NSG2: variants seen among roughly 807,000 people sequenced by gnomAD.
NSG2 encodes the protein neuronal vesicle trafficking associated 2, also known as neuronal vesicle trafficking-associated protein 2.
NSG2 carries 4 observed loss-of-function variants against 16.9 expected under a neutral mutation model. The ratio of observed to expected loss-of-function variants is 0.24; its 90% CI spans 0.12 to 0.54. The LOEUF is 0.54. Ranked by LOEUF, NSG2 falls within the 20% of genes least tolerant of loss-of-function variation. NSG2 has a pLI of 0.95. For missense variants in NSG2, 179 were observed against 221.1 expected (o/e 0.81, Z 1.21); for synonymous variants, 98 against 88.7 (o/e 1.11, Z -0.59).
chr5:174,088,541 G>A (rs536222134), intron 3 of NSG2, among the ~76,000 whole-genome samples: 11 of 152,282 alleles, frequency 7.2e-5, no homozygotes, highest in Non-Finnish European at 1.2e-4. Context: ...GAATTCATTC[G>A]TATTGAATAA....
chr5:174,054,825 G>T (rs1759942517), intron 2 of NSG2, among the ~76,000 whole-genome samples: 1 of 152,230 alleles, frequency 6.6e-6, no homozygotes, highest in Admixed American at 6.5e-5. Context: ...GAATAGCACA[G>T]TTTAAATTCA....
intron 3 of NSG2, among the ~76,000 whole-genome samples, chr5:174,103,438 C>T (rs956203960): frequency 6.6e-6 from 1 of 151,934 alleles, no homozygotes; most frequent in Non-Finnish European, 1.5e-5. Context: ...GGGAGGAGAG[C>T]AGGAATCCTG....
intron 3 of NSG2, among the ~76,000 whole-genome samples, chr5:174,087,723 G>A (rs112762197): frequency 6.6e-6 from 1 of 151,952 alleles, no homozygotes; most frequent in Non-Finnish European, 1.5e-5. Flanking sequence ...GGGAGGCTGA[G>A]GCTGCAGTGA....
In NSG2 at chr5:174,054,726, A is replaced by G. The variant is rs914125571; in HGVS notation, c.129+7842A>G. ...ATCACCCCCATTTCACAGACAGTGA[A>G]TGGTCTCAGGGAATGGATGTAACTT... On this transcript the variant is annotated intron_variant, in intron 2 of 4. Transcript: ENST00000303177. 4.6e-5 allele frequency among the ~76,000 whole-genome samples: 7 copies of G among 152,182 alleles called. No individual in the cohort carries two copies. In the South Asian group the frequency reaches 1.2e-3, roughly 27 times the overall value.
At chr5:174,092,306 C>T (rs1255102699) in intron 3 of NSG2, among the ~76,000 whole-genome samples, 1 of 152,198 alleles carries the variant, frequency 6.6e-6, no homozygotes, top group Non-Finnish European at 1.5e-5. Context: ...GCTTTGGTGG[C>T]CAATAGGGAG....
chr5:174,062,714 G>A (rs1302296219), intron 2 of NSG2: 1 of 152,234 alleles, frequency 6.6e-6, no homozygotes, highest in Non-Finnish European at 1.5e-5. Flanking sequence ...TCCAGCCATA[G>A]GTTAGTTGGG....
At chr5:174,046,650 G>T in intron 1 of NSG2, 84 bp from the exon 2 acceptor site, 1 of 1,260,446 alleles carries the variant, frequency 7.9e-7, no homozygotes, top group South Asian at 1.3e-5. Flanking sequence ...TGGAGCTGTT[G>T]AGGACAGTGC....
intron 3 of NSG2, among the ~76,000 whole-genome samples, chr5:174,097,974 G>A (rs1760833323): frequency 6.6e-6 from 1 of 152,104 alleles, no homozygotes; most frequent in Non-Finnish European, 1.5e-5. Flanking sequence ...ACAGAGAAAA[G>A]GGTGCGACTC....
chr5:174,082,809 T>A (rs1760507394), intron 3 of NSG2, among the ~76,000 whole-genome samples: 1 of 152,204 alleles, frequency 6.6e-6, no homozygotes, highest in Admixed American at 6.5e-5. Flanking sequence ...CAAGTCTAGA[T>A]TATTTTTAGA....
At chr5:174,097,762 T>G (rs2113472748) in intron 3 of NSG2, among the ~76,000 whole-genome samples, 1 of 151,530 alleles carries the variant, frequency 6.6e-6, no homozygotes, top group Non-Finnish European at 1.5e-5. Context: ...TCTGTGTCTC[T>G]GTGTGTGTAC....
chr5:174,089,248 T>C lies in NSG2; in HGVS notation c.214-14980T>C, dbSNP rs556874079. On this transcript the variant is annotated intron_variant, in intron 3 of 4. Transcript: ENST00000303177. Reference sequence around the variant, plus strand: ...GGGCAGCACCTCCAGTAAGCAAAGCTGGGGTTGAGGCTCAGGGTGGGGTCC... The same window carrying C: ...GGGCAGCACCTCCAGTAAGCAAAGCCGGGGTTGAGGCTCAGGGTGGGGTCC... Among the ~76,000 whole-genome samples the C allele has an allele frequency of 3.3e-5, 5 of 152,258 alleles. No individual in the cohort carries two copies. The South Asian group carries it at 1.0e-3, about 32-fold the overall frequency.
At chr5:174,106,889 G>A (rs1006729262) in intron 4 of NSG2, among the ~76,000 whole-genome samples, 3 of 151,950 alleles carry the variant, frequency 2.0e-5, no homozygotes, top group East Asian at 1.9e-4. Context: ...CACCGCATCC[G>A]GCAAGACTTT....
At position 174,075,441 on chromosome 5, in the gene NSG2, T is replaced by G. The variant is rs187403336; in HGVS notation, c.213+11126T>G. Reference sequence around the variant, plus strand: ...GGCTAAATTAAGCTAAACTGAAATGTGGTTGCAAGAATACTAAAACTTTGC... The same window carrying G: ...GGCTAAATTAAGCTAAACTGAAATGGGGTTGCAAGAATACTAAAACTTTGC... On this transcript the variant is annotated intron_variant, in intron 3 of 4. Transcript: ENST00000303177. Among the ~76,000 whole-genome samples, 54 of 152,324 alleles carry G rather than the reference T, an allele frequency of 3.5e-4. 1 individual carries two copies. Among genetic ancestry groups the G allele is most frequent in the Non-Finnish European group, 7.3e-5 (5 of 68,028 alleles).
At chr5:174,066,862 C>T (rs1581222846) in intron 3 of NSG2, among the ~76,000 whole-genome samples, 3 of 149,908 alleles carry the variant, frequency 2.0e-5, no homozygotes, top group Non-Finnish European at 4.5e-5. Context: ...TAGTGGCGGG[C>T]GCCTGTAGTC....
intron 3 of NSG2, among the ~76,000 whole-genome samples, chr5:174,076,459 A>G (rs1760344948): frequency 6.6e-6 from 1 of 152,186 alleles, no homozygotes; most frequent in Non-Finnish European, 1.5e-5. Context: ...AGAGAGAGAG[A>G]AAAAAAGCTA....
chr5:174,104,296 C>T lies in NSG2; in HGVS notation c.282C>T (p.Ala94=). The T allele has an allele frequency of 1.9e-6, 3 of 1,614,148 alleles. No homozygotes were observed. Among genetic ancestry groups the T allele is most frequent in the Non-Finnish European group, 2.5e-6 (3 of 1,180,014 alleles). Residue 94 remains alanine, a synonymous_variant, in exon 4 of 5, where the codon GCC becomes GCT. Coordinates refer to ENST00000303177, the MANE Select transcript of NSG2 (RefSeq NM_015980.5). ...TCGTGTTCCTGGTGGTTTACAAAGC[C>T]TTCACCTATGATCACAGCTGCCCAG... The part of the protein sequence containing the change: ...ACIVFLVVYK[A]FTYDHSCPEG...
chr5:174,102,098 G>A (rs180831370), intron 3 of NSG2, among the ~76,000 whole-genome samples: 1 of 152,312 alleles, frequency 6.6e-6, no homozygotes, highest in Admixed American at 6.5e-5. Context: ...GTCAACAGTA[G>A]CTTAAAATTG....
At chr5:174,046,636 TGAGTG>T in intron 1 of NSG2, 93 bp from the exon 2 acceptor site, 2 of 1,017,986 alleles carry the variant, frequency 2.0e-6, no homozygotes, top group Non-Finnish European at 1.5e-6. Flanking sequence ...GAAAGCCACT[TGAGTG>T]GAGCTGTTGA....
intron 3 of NSG2, among the ~76,000 whole-genome samples, chr5:174,093,422 G>C (rs1230784289): frequency 6.6e-6 from 1 of 152,196 alleles, no homozygotes; most frequent in African/African-American, 2.4e-5. Flanking sequence ...GGATTCCAAA[G>C]GGTAAGCAAC....
Sources: allele counts gnomAD v4.1 joint callset (sites outside exome capture counted in the v4.1 genomes callset), GRCh38; gene constraint gnomAD v4.1.1; transcripts MANE v1.5; gene names NCBI Gene and HGNC (gene_info 2026-07-23, HGNC 2026-07-21).